The following COL15A1 variants were observed in gnomAD, a reference collection of about 807,000 sequenced individuals.
The protein encoded by COL15A1 is collagen alpha-1(XV) chain.
A neutral mutation model predicts 165.9 loss-of-function variants in COL15A1; 111 were observed. The ratio of observed to expected loss-of-function variants is 0.67; its 90% CI spans 0.57 to 0.78. The LOEUF (loss-of-function observed/expected upper bound fraction) is 0.78, where lower values mean the gene tolerates loss of function less well. Among genes scored for constraint, COL15A1 ranks in the 30% least tolerant of loss-of-function variants. The pLI, the probability that COL15A1 is intolerant of heterozygous loss-of-function variation, is 0.00. For missense variants in COL15A1, 1,745 were observed against 1,789.7 expected, an observed-to-expected ratio of 0.98 and a Z score of 0.45; for synonymous variants, 659 against 674.8, an observed-to-expected ratio of 0.98 and a Z score of 0.36.
intron 31 of COL15A1, among the ~76,000 whole-genome samples, chr9:99,052,895 C>T (rs746278475): frequency 3.9e-5 from 6 of 152,196 alleles, no homozygotes; most frequent in Non-Finnish European, 7.3e-5. Context: ...ACCCTTGCCT[C>T]GGTGTCCATG....
intron 13 of COL15A1, among the ~76,000 whole-genome samples, chr9:99,022,722 C>T (rs1465587068): frequency 6.6e-6 from 1 of 152,240 alleles, no homozygotes; most frequent in Non-Finnish European, 1.5e-5. Flanking sequence ...AGGGGGTGCT[C>T]AGTACACACA....
chr9:99,063,878 T>C (rs1825855451), intron 39 of COL15A1, among the ~76,000 whole-genome samples: 1 of 152,088 alleles, frequency 6.6e-6, no homozygotes, highest in South Asian at 2.1e-4. Flanking sequence ...AGGTTTCTGC[T>C]TGGATGATTG....
intron 39 of COL15A1, among the ~76,000 whole-genome samples, chr9:99,066,400 A>C (rs1825891391): frequency 6.6e-6 from 1 of 152,140 alleles, no homozygotes; most frequent in African/African-American, 2.4e-5. Context: ...CAGATCCCTC[A>C]TGTGATCAGC....
At chr9:99,063,545 A>G (rs915041596) in intron 39 of COL15A1, among the ~76,000 whole-genome samples, 7 of 152,232 alleles carry the variant, frequency 4.6e-5, no homozygotes, top group Non-Finnish European at 8.8e-5. Context: ...GCTAGGTTTC[A>G]AGGGTCTGCA....
At chr9:99,059,207 A>T (rs968344637) in intron 35 of COL15A1, among the ~76,000 whole-genome samples, 2 of 152,188 alleles carry the variant, frequency 1.3e-5, no homozygotes, top group Admixed American at 1.3e-4. Flanking sequence ...TTTTAAGGGC[A>T]CTGTGACTCT....
intron 2 of COL15A1, among the ~76,000 whole-genome samples, chr9:98,955,025 T>C (rs1184582114): frequency 1.3e-5 from 2 of 152,240 alleles, no homozygotes; most frequent in African/African-American, 4.8e-5. Flanking sequence ...ATGAGGACCT[T>C]GATGGTCATC....
chr9:99,032,519 A>G (rs1773196783), intron 16 of COL15A1, among the ~76,000 whole-genome samples: 1 of 152,086 alleles, frequency 6.6e-6, no homozygotes, highest in South Asian at 2.1e-4. Flanking sequence ...GTATTCTTTC[A>G]TTTATCCTTC....
intron 2 of COL15A1, among the ~76,000 whole-genome samples, chr9:98,969,304 G>A (rs112873158): frequency 0.043 from 6,593 of 152,286 alleles, 209 homozygotes; most frequent in Non-Finnish European, 0.067. Context: ...TCTGCTCAGT[G>A]TTTTATGTCT....
chr9:98,954,938 A>G (rs1461347081), intron 2 of COL15A1, among the ~76,000 whole-genome samples: 1 of 152,168 alleles, frequency 6.6e-6, no homozygotes, highest in Non-Finnish European at 1.5e-5. Flanking sequence ...CTTCTCCTTC[A>G]TTCATCCATT....
At chr9:99,050,680 G>T (rs187343923) in intron 30 of COL15A1, among the ~76,000 whole-genome samples, 168 of 152,356 alleles carry the variant, frequency 1.1e-3, no homozygotes, top group Admixed American at 3.0e-3. Flanking sequence ...CTTATGCAGT[G>T]CTAAGGACTC....
Position 98,943,911 on chromosome 9 carries a change from T to G in COL15A1, c.-151T>G. 9.7e-7 allele frequency: 1 copy of G among 1,030,668 alleles called. No homozygotes were observed. Among genetic ancestry groups the G allele is most frequent in the Non-Finnish European group, 1.3e-6 (1 of 763,238 alleles). 63.8% of individuals were successfully genotyped at this position (1,030,668 alleles called of 1,614,324 possible). On this transcript the variant is annotated 5_prime_UTR_variant, in exon 1 of 42. Transcript: ENST00000375001. The stretch of plus-strand genomic sequence containing the variant: ...GGGCGCGGGCCGGGAGCCGGGATTC[T>G]GCCCGCCGCCGCCGCTGCCGAGCGC...
chr9:99,008,902 G>A (rs1358948974), intron 9 of COL15A1, among the ~76,000 whole-genome samples: 4 of 152,200 alleles, frequency 2.6e-5, no homozygotes, highest in South Asian at 4.1e-4. Flanking sequence ...GAGCCACTGC[G>A]CCTGGCTACT....
At chr9:99,060,254 A>ATT (rs1159740986) in intron 36 of COL15A1, among the ~76,000 whole-genome samples, 292 of 140,712 alleles carry the variant, frequency 2.1e-3, no homozygotes, top group African/African-American at 6.5e-3. Flanking sequence ...ATATATATAT[A>ATT]TATTTTTTTT....
chr9:98,958,507 A>G (rs1437821569), intron 2 of COL15A1, among the ~76,000 whole-genome samples: 1 of 152,184 alleles, frequency 6.6e-6, no homozygotes, highest in Non-Finnish European at 1.5e-5. Flanking sequence ...CCACAGAAAG[A>G]AAAAAAGGAG....
chr9:98,966,110 G>A (rs1837952087), intron 2 of COL15A1, among the ~76,000 whole-genome samples: 1 of 152,140 alleles, frequency 6.6e-6, no homozygotes, highest in East Asian at 1.9e-4. Context: ...TCTTCTTCTG[G>A]GAGGGAAGAG....
intron 2 of COL15A1, among the ~76,000 whole-genome samples, chr9:98,960,774 C>G (rs1489413575): frequency 6.6e-6 from 1 of 152,214 alleles, no homozygotes; most frequent in Admixed American, 6.5e-5. Flanking sequence ...ATGGAAAGCC[C>G]TTAATGAAGG....
chr9:98,991,643 A>C (rs1251532069), intron 5 of COL15A1, among the ~76,000 whole-genome samples: 1 of 152,176 alleles, frequency 6.6e-6, no homozygotes, highest in South Asian at 2.1e-4. Context: ...CTTGAGCTAG[A>C]TACAGAGTGC....
At chr9:98,962,184 A>C (rs1837875984) in intron 2 of COL15A1, among the ~76,000 whole-genome samples, 1 of 152,232 alleles carries the variant, frequency 6.6e-6, no homozygotes, top group Non-Finnish European at 1.5e-5. Context: ...GTGCATCCGT[A>C]AACATAGGAA....
At chr9:99,060,639 A>G (rs1245766947) in intron 36 of COL15A1, among the ~76,000 whole-genome samples, 1 of 152,074 alleles carries the variant, frequency 6.6e-6, no homozygotes, top group African/African-American at 2.4e-5. Flanking sequence ...TAATCCCAGC[A>G]CTTTGAGAGG....
Sources: allele counts gnomAD v4.1 joint callset (sites outside exome capture counted in the v4.1 genomes callset), GRCh38; gene constraint gnomAD v4.1.1; transcripts MANE v1.5; gene names NCBI Gene and HGNC (gene_info 2026-07-23, HGNC 2026-07-21).